HEPH: variants seen among roughly 807,000 people sequenced by gnomAD.
The protein encoded by HEPH is hephaestin.
Under a neutral mutation model 80.8 loss-of-function variants are expected in HEPH, and 69 were observed. The observed-to-expected ratio is 0.85, with a 90% CI of 0.70 to 1.04. The LOEUF is 1.04. Ranked by LOEUF, HEPH falls within the 50% of genes least tolerant of loss-of-function variation. HEPH has a pLI of 0.00. For synonymous variants in HEPH, 431 were observed against 322.8 expected (o/e 1.34, Z -3.60); for missense variants, 1,115 against 891.3 (o/e 1.25, Z -3.20).
rs1314821610 is a variant in HEPH at position 66,221,688 on chromosome X, G to A, written c.2563+13442G>A. On this transcript the variant is annotated intron_variant, in intron 15 of 20. Transcript: ENST00000343002. ...CATAGGGTGTAAAGGGTTTTGTCGG[G>A]TCAAATAGCCCCAGGGCTCGGGCTG... is the stretch of plus-strand genomic sequence containing the variant. Among the ~76,000 whole-genome samples the A allele has an allele frequency of 2.3e-4, 26 of 112,724 alleles. No homozygotes were observed. The Admixed American group carries it at 2.3e-3, about 10-fold the overall frequency.
At chrX:66,200,074 G>A (rs1445741902) in intron 11 of HEPH, among the ~76,000 whole-genome samples, 4 of 110,035 alleles carry the variant, frequency 3.6e-5, no homozygotes, top group Non-Finnish European at 5.7e-5. Flanking sequence ...GAGGAAACAG[G>A]TTGAGAGCTG....
intron 15 of HEPH, among the ~76,000 whole-genome samples, chrX:66,226,814 A>G (rs1461731162): frequency 8.9e-6 from 1 of 111,766 alleles, no homozygotes; most frequent in Non-Finnish European, 1.9e-5. Flanking sequence ...TGCCAACAAC[A>G]ACAAAAAACC....
intron 4 of HEPH, among the ~76,000 whole-genome samples, chrX:66,183,680 G>GT (rs1200829761): frequency 1.8e-5 from 1 of 56,770 alleles, no homozygotes; most frequent in Non-Finnish European, 2.7e-5. Flanking sequence ...TTTTTGAAGG[G>GT]TTTTTTGTGT....
At chrX:66,203,872 G>A (rs1006641445) in intron 13 of HEPH, among the ~76,000 whole-genome samples, 48 of 112,446 alleles carry the variant, frequency 4.3e-4, no homozygotes, top group African/African-American at 1.4e-3. Flanking sequence ...ATTTACTCAA[G>A]GGATTGAATG....
chrX:66,259,876 T>G (rs1457617104), intron 18 of HEPH, among the ~76,000 whole-genome samples: 1 of 108,397 alleles, frequency 9.2e-6, no homozygotes, highest in African/African-American at 3.4e-5. Context: ...GCCCGGCAAT[T>G]TTTTTTATTT....
intron 4 of HEPH, among the ~76,000 whole-genome samples, chrX:66,180,424 G>T (rs971387646): frequency 6.3e-5 from 7 of 110,977 alleles, no homozygotes; most frequent in Non-Finnish European, 1.3e-4. Context: ...TGTGGAAGCT[G>T]AAGATAGGGC....
intron 2 of HEPH, 142 bp from the exon 3 acceptor site, chrX:66,172,213 T>C: frequency 1.5e-5 from 7 of 453,159 alleles, no homozygotes; most frequent in Non-Finnish European, 2.3e-5. Context: ...AAAACTTTCA[T>C]GTTTTGATCA....
chrX:66,248,394 G>A (rs2090890038), intron 15 of HEPH, among the ~76,000 whole-genome samples: 1 of 111,453 alleles, frequency 9.0e-6, no homozygotes, highest in Non-Finnish European at 1.9e-5. Context: ...CTGCCCATTC[G>A]GCACTTAGCT....
rs150889438 is a variant in HEPH at position 66,254,307 on chromosome X, C to G, written c.2564-728C>G. On this transcript the variant is annotated intron_variant, in intron 15 of 20. Coordinates refer to ENST00000343002, the MANE Select transcript of HEPH (RefSeq NM_001367233.3). ...AGGGTAGAGGTATAATCAATAAGAC[C>G]TGCCATTTGGTTAGATGTTGAATTA... 3.9e-3 allele frequency among the ~76,000 whole-genome samples: 435 copies of G among 110,636 alleles called. 4 individuals are homozygous for G. The highest frequency in any genetic ancestry group is 0.014 in the African/African-American group (412 of 30,449).
Position 66,207,289 on chromosome X carries a change from A to T in HEPH, c.2386A>T (p.Ile796Phe). 5.0e-6 allele frequency: 6 copies of T among 1,203,005 alleles called. No individual in the cohort carries two copies. Among genetic ancestry groups the T allele is most frequent in the Non-Finnish European group, 5.6e-6 (5 of 890,380 alleles). The change falls in exon 14 of 21, where the codon ATC becomes TTC. Residue 796 changes from isoleucine (I) to phenylalanine (F), a missense_variant. Transcript: ENST00000343002. ...FREYTDGTFRIPRPRTGPEEH... is the reference protein window; with the variant it reads ...FREYTDGTFRFPRPRTGPEEH... Reference sequence around the variant, plus strand: ...GGAATACACTGATGGTACATTCAGGATCCCTCGGCCAAGGACTGGACCAGA... The same window carrying T: ...GGAATACACTGATGGTACATTCAGGTTCCCTCGGCCAAGGACTGGACCAGA...
At chrX:66,262,071 C>A (rs1602577535) in intron 19 of HEPH, among the ~76,000 whole-genome samples, 2 of 112,518 alleles carry the variant, frequency 1.8e-5, no homozygotes, top group African/African-American at 3.2e-5. Flanking sequence ...TGACAATGAG[C>A]CAGCCCATAA....
chrX:66,265,629 A>G (rs906535701), intron 20 of HEPH, among the ~76,000 whole-genome samples: 1 of 111,563 alleles, frequency 9.0e-6, no homozygotes, highest in African/African-American at 3.3e-5. Flanking sequence ...ATGAAATCAA[A>G]GAAAACTTTG....
Position 66,206,339 on chromosome X carries a change from CTTTTTTTTTTTTTTTTTTTTTTTTTTTT to C in HEPH, c.2292-840_2292-813del, listed in dbSNP as rs760184190. 2.8e-4 allele frequency among the ~76,000 whole-genome samples: 4 copies of C among 14,065 alleles called. 1 individual carries two copies. Among genetic ancestry groups the C allele is most frequent in the Non-Finnish European group, 5.9e-4 (4 of 6,725 alleles). The allele number at this position is 14,065 out of a possible 115,157, so 12.2% of individuals were successfully genotyped here. On this transcript the variant is annotated intron_variant, in intron 13 of 20. Coordinates refer to ENST00000343002, the MANE Select transcript of HEPH (RefSeq NM_001367233.3). ...GATGGCAAACAAGGAAACCTGCCAT[CTTTTTTTTTTTTTTTTTTTTTTTTTTTT>C]TTTTTTTTTTTTTTTGACAAAGCCT...
intron 15 of HEPH, among the ~76,000 whole-genome samples, chrX:66,208,836 G>A (rs1222152297): frequency 9.4e-6 from 1 of 106,457 alleles, no homozygotes; most frequent in Non-Finnish European, 1.9e-5. Context: ...TACAGTATGA[G>A]CTCCTAATCT....
chrX:66,200,136 C>A (rs1405245610), intron 11 of HEPH, among the ~76,000 whole-genome samples: 1 of 109,079 alleles, frequency 9.2e-6, no homozygotes, highest in Non-Finnish European at 1.9e-5. Context: ...AAAATGAGAT[C>A]TATATGGAAA....
In HEPH at chrX:66,207,744, C is replaced by T. The variant is rs367628299; in HGVS notation, c.2432-371C>T. Among the ~76,000 whole-genome samples the T allele has an allele frequency of 6.3e-5, 7 of 111,868 alleles. No homozygotes were observed. In the South Asian group the frequency reaches 1.1e-3, roughly 18 times the overall value. On this transcript the variant is annotated intron_variant, in intron 14 of 20. Transcript: ENST00000343002. The stretch of plus-strand genomic sequence containing the variant: ...TTATGGTACAGAAGGGACCCACTGA[C>T]TCCTAAAGAGATCCTCTCAATTCTT...
At chrX:66,248,676 T>TTTGCA (rs1416317806) in intron 15 of HEPH, among the ~76,000 whole-genome samples, 3 of 112,297 alleles carry the variant, frequency 2.7e-5, no homozygotes, top group Admixed American at 9.5e-5. Context: ...TTCATGCAGG[T>TTTGCA]TTTTCTGTAG....
At position 66,207,293 on chromosome X, in the gene HEPH, C is replaced by T. The variant is rs2088844282; in HGVS notation, c.2390C>T (p.Pro797Leu). The T allele has an allele frequency of 4.2e-6, 5 of 1,202,011 alleles. No individual in the cohort carries two copies. The highest frequency in any genetic ancestry group is 5.6e-6 in the Non-Finnish European group (5 of 890,089). The change falls in exon 14 of 21, where the codon CCT becomes CTT. Residue 797 changes from proline to leucine, a missense_variant. Coordinates refer to ENST00000343002, the MANE Select transcript of HEPH (RefSeq NM_001367233.3). ...TACACTGATGGTACATTCAGGATCC[C>T]TCGGCCAAGGACTGGACCAGAAGAA... ...REYTDGTFRI[P>L]RPRTGPEEHL...
intron 1 of HEPH, 46 bp from the exon 2 acceptor site, chrX:66,170,512 G>T (rs1412878359): frequency 6.2e-6 from 7 of 1,128,454 alleles, no homozygotes; most frequent in Non-Finnish European, 7.2e-6. Context: ...AAGCCCCTTT[G>T]TTCTCTTTCT....
Sources: gnomAD v4.1 joint callset for allele counts (sites outside exome capture counted in the v4.1 genomes callset) on GRCh38, gnomAD v4.1.1 for gene constraint, MANE v1.5 for transcripts, NCBI Gene and HGNC (gene_info 2026-07-23, HGNC 2026-07-21) for gene names.